JPH2: variants seen among roughly 807,000 people sequenced by gnomAD.
JPH2 encodes junctophilin 2.
In JPH2, 38 loss-of-function variants were observed where a neutral mutation model predicts 55.9. The ratio of observed to expected loss-of-function variants is 0.68; its 90% CI spans 0.52 to 0.89. The LOEUF (loss-of-function observed/expected upper bound fraction) is 0.89. Ranked by LOEUF, JPH2 falls within the 40% of genes least tolerant of loss-of-function variation. The pLI, the probability that JPH2 is intolerant of heterozygous loss-of-function variation, is 0.00. For missense variants in JPH2, 964 were observed against 1,037.6 expected (o/e 0.93, Z 0.97); for synonymous variants, 480 against 472.4 (o/e 1.02, Z -0.21).
At chr20:44,153,872 C>A (rs1209794447) in intron 2 of JPH2, among the ~76,000 whole-genome samples, 1 of 152,208 alleles carries the variant, frequency 6.6e-6, no homozygotes. Flanking sequence ...GGGGCTGAGT[C>A]TAAGCCTTAC....
In JPH2 at chr20:44,187,123, G is replaced by GC. The variant is rs1300466292; in HGVS notation, c.-419dup. 1.1e-5 allele frequency: 2 copies of GC among 187,608 alleles called. No individual in the cohort carries two copies. Among genetic ancestry groups the GC allele is most frequent in the Non-Finnish European group, 2.2e-5 (2 of 90,858 alleles). The allele number at this position is 187,608 out of a possible 1,614,324, so 11.6% of individuals were successfully genotyped here. A position where few individuals can be genotyped will look rare whatever the true frequency, so the allele number is the denominator to read the frequency against. Reference sequence around the variant, plus strand: ...GAAATTCCCCTCGGTGGCAGCCCCCGCCGGAGGCTGAATTCCCGCAGCCCG... The same window carrying GC: ...GAAATTCCCCTCGGTGGCAGCCCCCGCCCGGAGGCTGAATTCCCGCAGCCCG... On this transcript the variant is annotated 5_prime_UTR_variant, in exon 1 of 6. Transcript: ENST00000372980.
intron 1 of JPH2, among the ~76,000 whole-genome samples, chr20:44,180,840 G>A (rs921187590): frequency 6.6e-6 from 1 of 151,846 alleles, no homozygotes; most frequent in Non-Finnish European, 1.5e-5. Flanking sequence ...GGCCAACGCA[G>A]GGGCCCCAGG....
At chr20:44,162,374 C>T (rs1024329933) in intron 1 of JPH2, among the ~76,000 whole-genome samples, 1 of 152,052 alleles carries the variant, frequency 6.6e-6, no homozygotes, top group Non-Finnish European at 1.5e-5. Flanking sequence ...ATGGTTAATA[C>T]TGAGTATTAG....
chr20:44,158,790 G>A (rs2072583136), intron 2 of JPH2, among the ~76,000 whole-genome samples: 1 of 152,132 alleles, frequency 6.6e-6, no homozygotes, highest in African/African-American at 2.4e-5. Flanking sequence ...CGGGTGGGTG[G>A]GAGTGGATGT....
chr20:44,127,248 T>C (rs1477443997), intron 2 of JPH2, among the ~76,000 whole-genome samples: 1 of 152,220 alleles, frequency 6.6e-6, no homozygotes, highest in Non-Finnish European at 1.5e-5. Flanking sequence ...TTGGTTACTA[T>C]GAATAATGCT....
At chr20:44,115,006 C>G (rs1569180144) in intron 4 of JPH2, 130 bp from the exon 5 acceptor site, 1 of 737,930 alleles carries the variant, frequency 1.4e-6, no homozygotes, top group Non-Finnish European at 2.4e-6. Context: ...CGGCTTTGTT[C>G]ACTGCTGTAT....
intron 1 of JPH2, among the ~76,000 whole-genome samples, chr20:44,173,139 C>T (rs923962682): frequency 6.6e-6 from 1 of 152,076 alleles, no homozygotes; most frequent in Non-Finnish European, 1.5e-5. Flanking sequence ...AAACTAACCC[C>T]CTCTTTACTC....
chr20:44,127,698 C>G (rs1300886282), intron 2 of JPH2, among the ~76,000 whole-genome samples: 1 of 152,026 alleles, frequency 6.6e-6, no homozygotes, highest in Non-Finnish European at 1.5e-5. Context: ...ATCATGTTAG[C>G]CAGGATGGTC....
chr20:44,172,813 T>C (rs1294321327), intron 1 of JPH2, among the ~76,000 whole-genome samples: 1 of 152,172 alleles, frequency 6.6e-6, no homozygotes, highest in Non-Finnish European at 1.5e-5. Context: ...TAATATGAGC[T>C]CTCAGGTTTC....
At position 44,159,971 on chromosome 20, in the gene JPH2, G is replaced by A; in HGVS notation, c.816C>T (p.Gly272=). The change falls in exon 2 of 6, where the codon GGC becomes GGT. Residue 272 remains glycine (G), a synonymous_variant. Transcript: ENST00000372980. This position sits in a 1 kb window ranked among gnomAD's most constrained non-coding sequence, Gnocchi z 5.7. ...CCTCGAAGGGTGCGGCCTCGTCGGC[G>A]CCCTCGGCGGCCTCTCCCAGGCTGG... is the stretch of plus-strand genomic sequence containing the variant. ...STASLGEAAE[G]ADEAAPFEAD... 2 of 1,592,522 alleles carry A rather than the reference G, an allele frequency of 1.3e-6. No individual in the cohort carries two copies. Among genetic ancestry groups the A allele is most frequent in the South Asian group, 1.1e-5 (1 of 87,938 alleles).
At chr20:44,183,692 T>C (rs981987148) in intron 1 of JPH2, among the ~76,000 whole-genome samples, 9 of 152,238 alleles carry the variant, frequency 5.9e-5, no homozygotes, top group African/African-American at 2.2e-4. Flanking sequence ...GTCCTATGAA[T>C]GCCTTCTGAT....
intron 1 of JPH2, among the ~76,000 whole-genome samples, chr20:44,184,943 G>A (rs758322813): frequency 6.6e-6 from 1 of 152,012 alleles, no homozygotes; most frequent in African/African-American, 2.4e-5. Context: ...TTTGTTTTTC[G>A]ATTTTTCGTT....
At chr20:44,131,909 G>T (rs1462770633) in intron 2 of JPH2, among the ~76,000 whole-genome samples, 1 of 152,132 alleles carries the variant, frequency 6.6e-6, no homozygotes, top group East Asian at 1.9e-4. Context: ...TCATCCTTCA[G>T]GACCCTACCC....
chr20:44,137,495 C>G (rs966640247), intron 2 of JPH2, among the ~76,000 whole-genome samples: 6 of 152,318 alleles, frequency 3.9e-5, no homozygotes, highest in African/African-American at 1.4e-4. Flanking sequence ...GCACCCCACC[C>G]CAGGCTGCTC....
intron 5 of JPH2, among the ~76,000 whole-genome samples, 166 bp downstream of exon 5, chr20:44,114,616 G>C (rs1249145899): frequency 6.8e-6 from 1 of 147,174 alleles, no homozygotes; most frequent in Non-Finnish European, 1.5e-5. Context: ...GTGTGCGCTG[G>C]TATCAAATCA....
intron 2 of JPH2, among the ~76,000 whole-genome samples, chr20:44,149,629 C>G (rs140915791): frequency 5.9e-5 from 9 of 152,292 alleles, no homozygotes; most frequent in African/African-American, 7.2e-5. Flanking sequence ...CCTCTTCCCC[C>G]CAACCCCTGC....
intron 1 of JPH2, among the ~76,000 whole-genome samples, chr20:44,184,479 G>C (rs1451878802): frequency 6.6e-6 from 1 of 152,164 alleles, no homozygotes; most frequent in Non-Finnish European, 1.5e-5. Flanking sequence ...CTGATGAGAA[G>C]GTCTGGGTGG....
At chr20:44,163,316 A>G (rs1283304765) in intron 1 of JPH2, among the ~76,000 whole-genome samples, 1 of 152,122 alleles carries the variant, frequency 6.6e-6, no homozygotes, top group Admixed American at 6.5e-5. Flanking sequence ...TCTGCCTGTC[A>G]ATGATGTGTT....
intron 4 of JPH2, 32 bp downstream of exon 4, chr20:44,115,617 TACCTCTAGGGAACCCG>T: frequency 6.2e-7 from 1 of 1,610,736 alleles, no homozygotes; most frequent in Non-Finnish European, 8.5e-7. Flanking sequence ...CAAGCCCTGC[TACCTCTAGGGAACCCG>T]ACCTTAGGCA....
Sources: allele counts gnomAD v4.1 joint callset (sites outside exome capture counted in the v4.1 genomes callset), GRCh38; gene constraint gnomAD v4.1.1; non-coding constraint Gnocchi (gnomAD v3.1); transcripts MANE v1.5; gene names NCBI Gene and HGNC (gene_info 2026-07-23, HGNC 2026-07-21).